SND1: variants seen among roughly 807,000 people sequenced by gnomAD.
The protein encoded by SND1 is staphylococcal nuclease domain-containing protein 1.
In SND1, 38 loss-of-function variants were observed where a neutral mutation model predicts 121.7. The observed-to-expected ratio is 0.31, with a 90% CI of 0.24 to 0.41. The LOEUF (loss-of-function observed/expected upper bound fraction) is 0.41, where lower values mean the gene tolerates loss of function less well. SND1 is among the 10% of genes least tolerant of loss of function. The pLI, the probability that SND1 is intolerant of heterozygous loss-of-function variation, is 1.00. For synonymous variants in SND1, 401 were observed against 447.4 expected (o/e 0.90, Z 1.31); for missense variants, 868 against 1,184.6 (o/e 0.73, Z 3.92).
intron 10 of SND1, among the ~76,000 whole-genome samples, chr7:127,730,566 T>C (rs1468403663): frequency 6.6e-6 from 1 of 152,254 alleles, no homozygotes; most frequent in Non-Finnish European, 1.5e-5. Context: ...GGTCTCAGAA[T>C]CTGCTTACCT....
At chr7:127,862,820 A>G (rs541648557) in intron 12 of SND1, among the ~76,000 whole-genome samples, 43 of 152,320 alleles carry the variant, frequency 2.8e-4, no homozygotes, top group African/African-American at 1.0e-3. Context: ...TTATCAGCTC[A>G]GGGTGACCTC....
intron 16 of SND1, among the ~76,000 whole-genome samples, chr7:128,064,242 A>C (rs969025745): frequency 6.6e-6 from 1 of 152,114 alleles, no homozygotes. Flanking sequence ...TTAAGCCAGT[A>C]AGTAGTAGAG....
intron 9 of SND1, among the ~76,000 whole-genome samples, chr7:127,717,659 G>T (rs1796413770): frequency 6.6e-6 from 1 of 152,136 alleles, no homozygotes; most frequent in Admixed American, 6.5e-5. Flanking sequence ...AGGAGAATAG[G>T]TATCTGTGTG....
At chr7:127,992,149 T>C (rs997392597) in intron 16 of SND1, among the ~76,000 whole-genome samples, 1 of 152,188 alleles carries the variant, frequency 6.6e-6, no homozygotes, top group Non-Finnish European at 1.5e-5. Flanking sequence ...TGTACAATGA[T>C]TGGGGGATTG....
At chr7:127,745,215 C>G (rs1177902477) in intron 10 of SND1, among the ~76,000 whole-genome samples, 3 of 152,186 alleles carry the variant, frequency 2.0e-5, no homozygotes, top group African/African-American at 7.2e-5. Context: ...TACTACACAC[C>G]TAGGCAATAT....
At chr7:127,861,734 G>A (rs1195314911) in intron 12 of SND1, among the ~76,000 whole-genome samples, 1 of 152,198 alleles carries the variant, frequency 6.6e-6, no homozygotes, top group African/African-American at 2.4e-5. Context: ...GCCTCCTGAA[G>A]TGCTGGGATT....
In SND1 at chr7:127,936,082, C is replaced by A. The variant is rs115933660; in HGVS notation, c.1669+6753C>A. Among the ~76,000 whole-genome samples the A allele has an allele frequency of 7.8e-3, 1,187 of 152,268 alleles. 18 individuals carry two copies. The highest frequency in any genetic ancestry group is 0.027 in the African/African-American group (1,109 of 41,554). On this transcript the variant is annotated intron_variant, in intron 15 of 23. Coordinates refer to ENST00000354725, the MANE Select transcript of SND1 (RefSeq NM_014390.4). ...TGGTCAGATGGGATAGCAGGTGGGG[C>A]TAGAGAAGTCAGCTGTAGCCAACAG...
intron 13 of SND1, among the ~76,000 whole-genome samples, chr7:127,890,300 G>A (rs901934083): frequency 7.2e-5 from 11 of 152,152 alleles, no homozygotes; most frequent in African/African-American, 2.2e-4. Context: ...CTTTTCACAC[G>A]CCCATTTGCC....
At chr7:128,077,030 G>A (rs1793517328) in intron 17 of SND1, among the ~76,000 whole-genome samples, 2 of 152,178 alleles carry the variant, frequency 1.3e-5, no homozygotes, top group African/African-American at 4.8e-5. Context: ...ACCACAGATG[G>A]CAGATGCCTG....
At chr7:127,791,722 G>A (rs1381178537) in intron 10 of SND1, among the ~76,000 whole-genome samples, 1 of 152,130 alleles carries the variant, frequency 6.6e-6, no homozygotes, top group Non-Finnish European at 1.5e-5. Flanking sequence ...AACATTGCAT[G>A]ATAAAATATG....
intron 10 of SND1, among the ~76,000 whole-genome samples, chr7:127,781,950 C>T (rs1037205314): frequency 6.6e-6 from 1 of 152,120 alleles, no homozygotes; most frequent in African/African-American, 2.4e-5. Context: ...TCCCCTTTTT[C>T]ACTTAAGACA....
intron 16 of SND1, among the ~76,000 whole-genome samples, chr7:127,994,585 A>C (rs13222176): frequency 1.4e-4 from 16 of 118,106 alleles, no homozygotes; most frequent in South Asian, 5.3e-4. Context: ...AAAAAAAAAA[A>C]CAGTAAATTC....
At chr7:127,738,680 C>G (rs1354498095) in intron 10 of SND1, among the ~76,000 whole-genome samples, 1 of 152,072 alleles carries the variant, frequency 6.6e-6, no homozygotes, top group Non-Finnish European at 1.5e-5. Flanking sequence ...GCTGCTTTTT[C>G]CCTGAGGTCT....
intron 15 of SND1, among the ~76,000 whole-genome samples, chr7:127,954,788 G>T (rs1801555427): frequency 6.6e-6 from 1 of 152,108 alleles, no homozygotes; most frequent in South Asian, 2.1e-4. Flanking sequence ...AAGCCAAATT[G>T]ATGGCCTGGA....
At chr7:127,848,270 C>T (rs1046011368) in intron 12 of SND1, among the ~76,000 whole-genome samples, 1 of 152,228 alleles carries the variant, frequency 6.6e-6, no homozygotes, top group Non-Finnish European at 1.5e-5. Context: ...AATACACACT[C>T]TTTGTGTGCT....
intron 11 of SND1, among the ~76,000 whole-genome samples, chr7:127,827,201 T>G (rs901934863): frequency 1.3e-5 from 2 of 152,232 alleles, no homozygotes; most frequent in African/African-American, 4.8e-5. Flanking sequence ...AGGTGATAAC[T>G]GTGGCCCTTT....
At chr7:127,878,834 G>A (rs1799737195) in intron 12 of SND1, among the ~76,000 whole-genome samples, 1 of 152,128 alleles carries the variant, frequency 6.6e-6, no homozygotes, top group Non-Finnish European at 1.5e-5. Flanking sequence ...AATCTATAAA[G>A]CATGTGTGCC....
Position 127,889,910 on chromosome 7 carries a change from T to C in SND1, c.1454+1898T>C, listed in dbSNP as rs192698680. ...CATTGTGTATAAGTACCACAGTTTC[T>C]TTATCCGTTCATCTGTTGATGGACA... is the stretch of plus-strand genomic sequence containing the variant. On this transcript the variant is annotated intron_variant, in intron 13 of 23. Coordinates refer to ENST00000354725, the MANE Select transcript of SND1 (RefSeq NM_014390.4). Among the ~76,000 whole-genome samples the C allele has an allele frequency of 2.0e-5, 3 of 152,266 alleles. No homozygotes were observed. In the East Asian group the frequency reaches 5.8e-4, roughly 30 times the overall value.
chr7:127,905,994 C>G (rs1432246864), intron 14 of SND1, among the ~76,000 whole-genome samples: 3 of 152,174 alleles, frequency 2.0e-5, no homozygotes, highest in Non-Finnish European at 4.4e-5. Flanking sequence ...TTTTCTGTTG[C>G]TCCTGGTGAT....
Sources: gnomAD v4.1 joint callset for allele counts (sites outside exome capture counted in the v4.1 genomes callset) on GRCh38, gnomAD v4.1.1 for gene constraint, MANE v1.5 for transcripts, NCBI Gene and HGNC (gene_info 2026-07-23, HGNC 2026-07-21) for gene names.